SNAP91: variants seen among roughly 807,000 people sequenced by gnomAD.
SNAP91 encodes the protein clathrin coat assembly protein AP180.
A neutral mutation model predicts 100.3 loss-of-function variants in SNAP91; 27 were observed. The ratio of observed to expected loss-of-function variants is 0.27; its 90% confidence interval spans 0.20 to 0.37. The LOEUF is 0.37. SNAP91 is among the 10% of genes least tolerant of loss of function. The pLI is 1.00. For missense variants in SNAP91, 986 were observed against 1,123.7 expected (o/e 0.88, Z 1.75); for synonymous variants, 404 against 398.6 (o/e 1.01, Z -0.16).
chr6:83,634,848 T>C (rs1190906246), intron 8 of SNAP91, among the ~76,000 whole-genome samples: 1 of 152,236 alleles, frequency 6.6e-6, no homozygotes, highest in Non-Finnish European at 1.5e-5. Context: ...GTGTCTGTTT[T>C]CATTTGTTTC....
chr6:83,602,620 T>G (rs2095336552), intron 14 of SNAP91, among the ~76,000 whole-genome samples: 2 of 152,148 alleles, frequency 1.3e-5, no homozygotes, highest in South Asian at 4.1e-4. Flanking sequence ...CCGGGCAAAT[T>G]GTAGAAGTTT....
intron 2 of SNAP91, among the ~76,000 whole-genome samples, chr6:83,682,002 T>C (rs2098995884): frequency 6.6e-6 from 1 of 152,094 alleles, no homozygotes; most frequent in South Asian, 2.1e-4. Flanking sequence ...TGAATTCTAC[T>C]GATACCCTCT....
Position 83,662,372 on chromosome 6 carries a change from A to G in SNAP91, c.324T>C (p.Asn108=), listed in dbSNP as rs771170587. The G allele has an allele frequency of 6.3e-6, 9 of 1,437,124 alleles. No homozygotes were observed. The highest frequency in any genetic ancestry group is 8.3e-6 in the Non-Finnish European group (9 of 1,079,926). 89.0% of individuals were successfully genotyped at this position (1,437,124 alleles called of 1,614,324 possible). A position where few individuals can be genotyped will look rare whatever the true frequency, so the allele number is the denominator to read the frequency against. ...CATGGGATCCACTTTTGTCCAAAAA[A>G]TTGCTGAGATTGAATAGTGTATTTC... ...ASRNTLFNLS[N]FLDKSGSHGY... Residue 108 remains asparagine (N), a synonymous_variant, in exon 4 of 30, where the codon AAT becomes AAC. Coordinates refer to ENST00000369694, the MANE Select transcript of SNAP91 (RefSeq NM_001242792.2).
At chr6:83,574,122 A>G (rs1813725052) in intron 26 of SNAP91, among the ~76,000 whole-genome samples, 1 of 152,192 alleles carries the variant, frequency 6.6e-6, no homozygotes, top group African/African-American at 2.4e-5. Context: ...ATTTCAGGTA[A>G]CAAGGAAAGG....
chr6:83,654,586 A>G (rs2128679817), intron 7 of SNAP91, among the ~76,000 whole-genome samples: 1 of 152,232 alleles, frequency 6.6e-6, no homozygotes, highest in Admixed American at 6.5e-5. Flanking sequence ...GTGAATGCAC[A>G]AGACTATCTG....
chr6:83,553,339 TAG>T lies in SNAP91; in HGVS notation c.*955_*956del, dbSNP rs1297464077. On this transcript the variant is annotated 3_prime_UTR_variant, in exon 30 of 30. Coordinates refer to ENST00000369694, the MANE Select transcript of SNAP91 (RefSeq NM_001242792.2). Reference sequence around the variant, plus strand: ...GCTCAGTTGAAGGATGGAAGAACACTAGTCTACAAAACACACAAAGAAACACT... The same window carrying T: ...GCTCAGTTGAAGGATGGAAGAACACTTCTACAAAACACACAAAGAAACACT... 6.6e-6 allele frequency: 1 copy of T among 152,276 alleles called. No individual in the cohort carries two copies. Among genetic ancestry groups the T allele is most frequent in the African/African-American group, 2.4e-5 (1 of 41,448 alleles). 9.4% of individuals were successfully genotyped at this position (152,276 alleles called of 1,614,324 possible).
At chr6:83,676,288 C>CA (rs2098893984) in intron 2 of SNAP91, among the ~76,000 whole-genome samples, 1 of 152,010 alleles carries the variant, frequency 6.6e-6, no homozygotes, top group Non-Finnish European at 1.5e-5. Context: ...ATGGAGGAAA[C>CA]ACGCAGACAA....
At chr6:83,697,122 T>C (rs981693056) in intron 2 of SNAP91, among the ~76,000 whole-genome samples, 1 of 152,158 alleles carries the variant, frequency 6.6e-6, no homozygotes, top group Non-Finnish European at 1.5e-5. Context: ...TTAATGGAAA[T>C]TTTATCACGT....
At chr6:83,627,543 A>G (rs1440265453) in intron 8 of SNAP91, among the ~76,000 whole-genome samples, 1 of 152,014 alleles carries the variant, frequency 6.6e-6, no homozygotes, top group Non-Finnish European at 1.5e-5. Flanking sequence ...TGAAAGACCA[A>G]TAACGGAGTT....
intron 2 of SNAP91, among the ~76,000 whole-genome samples, chr6:83,673,185 T>A (rs1420604743): frequency 6.6e-6 from 1 of 152,064 alleles, no homozygotes; most frequent in Non-Finnish European, 1.5e-5. Flanking sequence ...TCTCTTTCTG[T>A]TATGGACTGA....
At chr6:83,650,825 A>C (rs555578928) in intron 7 of SNAP91, among the ~76,000 whole-genome samples, 125 of 152,338 alleles carry the variant, frequency 8.2e-4, no homozygotes, top group African/African-American at 2.4e-3. Context: ...AAGAGATTGT[A>C]AAGAATTGGT....
chr6:83,591,020 T>C (rs923885848), intron 22 of SNAP91, among the ~76,000 whole-genome samples, 191 bp downstream of exon 22: 1 of 152,178 alleles, frequency 6.6e-6, no homozygotes. Flanking sequence ...TGGGGTATGA[T>C]TGATCCTGTC....
At chr6:83,652,201 A>AT (rs2098237637) in intron 7 of SNAP91, among the ~76,000 whole-genome samples, 1 of 152,052 alleles carries the variant, frequency 6.6e-6, no homozygotes, top group Non-Finnish European at 1.5e-5. Context: ...GGTTAAAGTG[A>AT]TTTTTGGTAT....
At chr6:83,682,692 C>T (rs992722469) in intron 2 of SNAP91, among the ~76,000 whole-genome samples, 1 of 151,724 alleles carries the variant, frequency 6.6e-6, no homozygotes, top group Non-Finnish European at 1.5e-5. Context: ...ATTAACTCGT[C>T]ATTTAGCATT....
intron 2 of SNAP91, among the ~76,000 whole-genome samples, chr6:83,677,882 TG>T (rs1381630300): frequency 5.9e-5 from 9 of 152,190 alleles, no homozygotes; most frequent in Non-Finnish European, 4.4e-5. Context: ...AGGTGGAAGA[TG>T]ACCATTTGTA....
At chr6:83,703,082 C>T (rs2099335289) in intron 2 of SNAP91, among the ~76,000 whole-genome samples, 1 of 151,820 alleles carries the variant, frequency 6.6e-6, no homozygotes, top group South Asian at 2.1e-4. Flanking sequence ...CATCTCTTCA[C>T]CCTTGGGCTG....
chr6:83,617,059 A>T lies in SNAP91; in HGVS notation c.808-20T>A. On this transcript the variant is annotated intron_variant, in intron 9 of 29. Coordinates refer to ENST00000369694, the MANE Select transcript of SNAP91 (RefSeq NM_001242792.2). Reference sequence around the variant, plus strand: ...GGGAGCCTACAATAAGAAAGTAAAAATAAATGTCTGCATTGTTTACTTTCA... The same window carrying T: ...GGGAGCCTACAATAAGAAAGTAAAATTAAATGTCTGCATTGTTTACTTTCA... 6.7e-7 allele frequency: 1 copy of T among 1,498,178 alleles called. No individual in the cohort carries two copies. Among genetic ancestry groups the T allele is most frequent in the Non-Finnish European group, 9.0e-7 (1 of 1,106,592 alleles). 92.8% of individuals were successfully genotyped at this position (1,498,178 alleles called of 1,614,324 possible). A position where few individuals can be genotyped will look rare whatever the true frequency, so the allele number is the denominator to read the frequency against.
At chr6:83,594,675 G>C (rs1332375875) in intron 16 of SNAP91, 194 bp from the exon 17 acceptor site, 1 of 495,444 alleles carries the variant, frequency 2.0e-6, no homozygotes, top group Non-Finnish European at 3.5e-6. Context: ...TAGTTAACAT[G>C]CAAGTGATAC....
chr6:83,582,204 T>G lies in SNAP91; in HGVS notation c.2149+18A>C, dbSNP rs545632479. 249 of 1,612,152 alleles carry G rather than the reference T, an allele frequency of 1.5e-4. No homozygotes were observed. Among genetic ancestry groups the G allele is most frequent in the Non-Finnish European group, 1.9e-4 (225 of 1,179,008 alleles). On this transcript the variant is annotated intron_variant, in intron 23 of 29. Transcript: ENST00000369694. ...TACCAGGACACATGAAAAGAATGTT[T>G]GAAAGTCACTGCCTCACCTGATGGA...
Sources: allele counts gnomAD v4.1 joint callset (sites outside exome capture counted in the v4.1 genomes callset), GRCh38; gene constraint gnomAD v4.1.1; transcripts MANE v1.5; gene names NCBI Gene and HGNC (gene_info 2026-07-23, HGNC 2026-07-21).